ANKRD13C: variants seen among roughly 807,000 people sequenced by gnomAD.
ANKRD13C encodes the protein ankyrin repeat domain 13C.
In ANKRD13C, 16 loss-of-function variants were observed where a neutral mutation model predicts 65.5. That is an observed-to-expected ratio of 0.24 (90% CI 0.17 to 0.37). The LOEUF (loss-of-function observed/expected upper bound fraction) is 0.37. Among genes scored for constraint, ANKRD13C ranks in the 10% least tolerant of loss-of-function variants. The probability of loss-of-function intolerance (pLI) is 1.00; values close to 1 mark genes in which losing one functional copy is unlikely to be tolerated. For missense variants in ANKRD13C, 503 were observed against 655.9 expected, an observed-to-expected ratio of 0.77 and a Z score of 2.55; for synonymous variants, 235 against 238.7, an observed-to-expected ratio of 0.98 and a Z score of 0.14.
rs768637634 is a variant in ANKRD13C, at chr1:70,296,198, T to C, written c.985A>G (p.Thr329Ala). The C allele has an allele frequency of 9.3e-6, 15 of 1,613,920 alleles. No individual in the cohort carries two copies. The Admixed American group carries it at 2.2e-4, about 23-fold the overall frequency. Residue 329 changes from threonine to alanine, a missense_variant, in exon 8 of 13, where the codon ACT becomes GCT. Around this residue, in one of 2 missense-constraint regions of ANKRD13C, gnomAD observed 300 missense variants for 478.3 expected, o/e 0.63. Transcript: ENST00000370944. ...AAAGAAATTGATTTTGTTGATAAAG[T>C]TGCAGAGTAAATATCACTGCTCATT... Reference protein sequence around the residue: ...ILMSSDIYSATLSTKSISFTR... With the variant: ...ILMSSDIYSAALSTKSISFTR...
chr1:70,337,780 C>T (rs1334531440), intron 1 of ANKRD13C, among the ~76,000 whole-genome samples: 3 of 151,998 alleles, frequency 2.0e-5, no homozygotes, highest in African/African-American at 7.3e-5. Flanking sequence ...GTACTTAGTA[C>T]TTTAATATGA....
chr1:70,264,382 G>A (rs1243898221), intron 12 of ANKRD13C, among the ~76,000 whole-genome samples: 10 of 150,784 alleles, frequency 6.6e-5, no homozygotes, highest in East Asian at 2.0e-4. Context: ...AGGCTGAGGC[G>A]GGAGAATCGC....
chr1:70,293,462 C>T, intron 8 of ANKRD13C: 1 of 751,898 alleles, frequency 1.3e-6, no homozygotes, highest in Non-Finnish European at 1.6e-6. Context: ...CTGTTTCTAC[C>T]TACAAAATGG....
intron 6 of ANKRD13C, among the ~76,000 whole-genome samples, chr1:70,305,118 A>AAAC (rs752829083): frequency 1.4e-4 from 22 of 152,236 alleles, no homozygotes; most frequent in Non-Finnish European, 2.8e-4. Flanking sequence ...AAAAAACAAA[A>AAAC]ACAACAACAA....
rs766558631 is a variant in ANKRD13C, at chr1:70,348,637, T to C, written c.430+5342A>G. ...ACTGGCTAAAGAAATCTGCCAGCCA[T>C]GAGGCAGAGATTTTACACATTAATC... On this transcript the variant is annotated intron_variant, in intron 1 of 12. Coordinates refer to ENST00000370944, the MANE Select transcript of ANKRD13C (RefSeq NM_030816.5). Among the ~76,000 whole-genome samples, 8 of 152,310 alleles carry C rather than the reference T, an allele frequency of 5.3e-5. No individual in the cohort carries two copies. The East Asian group carries it at 1.5e-3, about 29-fold the overall frequency.
At chr1:70,288,178 T>A (rs1418577207) in intron 9 of ANKRD13C, among the ~76,000 whole-genome samples, 14 of 152,082 alleles carry the variant, frequency 9.2e-5, no homozygotes, top group Non-Finnish European at 8.8e-5. Context: ...ATTAGGAAAA[T>A]GCAATTAAAT....
At chr1:70,323,508 T>C (rs1271416107) in intron 3 of ANKRD13C, among the ~76,000 whole-genome samples, 3 of 151,620 alleles carry the variant, frequency 2.0e-5, no homozygotes, top group Non-Finnish European at 4.4e-5. Flanking sequence ...CCAGGCATGG[T>C]GGCAGGCACC....
chr1:70,293,849 T>C (rs1306340569), intron 8 of ANKRD13C, among the ~76,000 whole-genome samples: 1 of 152,218 alleles, frequency 6.6e-6, no homozygotes, highest in African/African-American at 2.4e-5. Flanking sequence ...TAAATTATCA[T>C]ATCAACAAAA....
intron 1 of ANKRD13C, among the ~76,000 whole-genome samples, chr1:70,350,808 T>C (rs1352297498): frequency 6.6e-6 from 1 of 152,188 alleles, no homozygotes; most frequent in Non-Finnish European, 1.5e-5. Flanking sequence ...TATATAACTT[T>C]AGTGACGTTT....
intron 5 of ANKRD13C, among the ~76,000 whole-genome samples, chr1:70,311,930 G>T (rs535255540): frequency 9.2e-5 from 14 of 152,260 alleles, no homozygotes; most frequent in Non-Finnish European, 2.1e-4. Flanking sequence ...TCCAAATAAA[G>T]AAGGCAGTTT....
At chr1:70,301,486 C>T (rs1295959074) in intron 6 of ANKRD13C, among the ~76,000 whole-genome samples, 1 of 152,168 alleles carries the variant, frequency 6.6e-6, no homozygotes, top group African/African-American at 2.4e-5. Context: ...GATATACACC[C>T]GTAACCTTAT....
Position 70,286,261 on chromosome 1 carries a change from ACT to A in ANKRD13C, c.1215+6125_1215+6126del, listed in dbSNP as rs199579337. 6.4e-3 allele frequency among the ~76,000 whole-genome samples: 976 copies of A among 152,240 alleles called. 19 individuals are homozygous for A. Among genetic ancestry groups the A allele is most frequent in the African/African-American group, 0.023 (937 of 41,536 alleles). On this transcript the variant is annotated intron_variant, in intron 9 of 12. Transcript: ENST00000370944. The stretch of plus-strand genomic sequence containing the variant: ...TTCTTCTAAAAAGATTTATAATTGA[ACT>A]CTGAGAATATTCTCAAATGCAATTC...
intron 6 of ANKRD13C, among the ~76,000 whole-genome samples, chr1:70,302,309 CG>C (rs1156652138): frequency 1.2e-5 from 1 of 85,832 alleles, no homozygotes; most frequent in African/African-American, 4.4e-5. Flanking sequence ...ACAGGGGCGG[CG>C]GGGGGGCGGG....
chr1:70,318,691 T>TTG (rs894632547), intron 3 of ANKRD13C, among the ~76,000 whole-genome samples: 3 of 146,928 alleles, frequency 2.0e-5, no homozygotes, highest in Admixed American at 1.4e-4. Context: ...TTTTTTTTTT[T>TTG]TTTTTTTTTT....
At chr1:70,271,414 T>C (rs1219952285) in intron 11 of ANKRD13C, among the ~76,000 whole-genome samples, 2 of 152,358 alleles carry the variant, frequency 1.3e-5, no homozygotes, top group Admixed American at 6.5e-5. Flanking sequence ...TTCTATATCA[T>C]ATTAGTCATT....
At chr1:70,328,167 G>C (rs1168102139) in intron 2 of ANKRD13C, among the ~76,000 whole-genome samples, 1 of 152,054 alleles carries the variant, frequency 6.6e-6, no homozygotes, top group Non-Finnish European at 1.5e-5. Context: ...TTGAATGTTT[G>C]TTGTGATAAT....
At chr1:70,301,622 C>G (rs145833689) in intron 6 of ANKRD13C, among the ~76,000 whole-genome samples, 157 of 152,286 alleles carry the variant, frequency 1.0e-3, no homozygotes, top group African/African-American at 3.6e-3. Context: ...TATCTCCACA[C>G]CCTGGAAACC....
At chr1:70,272,009 T>C (rs1446736867) in intron 11 of ANKRD13C, among the ~76,000 whole-genome samples, 1 of 152,184 alleles carries the variant, frequency 6.6e-6, no homozygotes, top group Non-Finnish European at 1.5e-5. Context: ...ACTGTATTTG[T>C]TTTGTAATAG....
chr1:70,313,692 C>G, intron 5 of ANKRD13C, 53 bp downstream of exon 5: 1 of 1,341,904 alleles, frequency 7.5e-7, no homozygotes, highest in South Asian at 1.3e-5. Flanking sequence ...TATTTTTGTA[C>G]TTGCATTTCT....
Sources: gnomAD v4.1 joint callset for allele counts (sites outside exome capture counted in the v4.1 genomes callset) on GRCh38, gnomAD v4.1.1 for gene constraint, gnomAD v4.1.1 regional missense constraint, MANE v1.5 for transcripts, NCBI Gene and HGNC (gene_info 2026-07-23, HGNC 2026-07-21) for gene names.